AGAP3: variants seen among roughly 807,000 people sequenced by gnomAD.
AGAP3 encodes arf-GAP with GTPase, ANK repeat and PH domain-containing protein 3.
AGAP3 carries 24 observed loss-of-function variants against 96.9 expected under a neutral mutation model. The observed-to-expected ratio is 0.25, with a 90% CI of 0.18 to 0.35. The LOEUF (loss-of-function observed/expected upper bound fraction) is 0.35. Among genes scored for constraint, AGAP3 ranks in the 10% least tolerant of loss-of-function variants. AGAP3 has a pLI of 1.00. For synonymous variants in AGAP3, 563 were observed against 536.1 expected (o/e 1.05, Z -0.69); for missense variants, 876 against 1,254.2 (o/e 0.70, Z 4.55).
At chr7:151,095,260 G>A (rs927318753) in intron 1 of AGAP3, among the ~76,000 whole-genome samples, 2 of 152,114 alleles carry the variant, frequency 1.3e-5, no homozygotes, top group African/African-American at 4.8e-5. Context: ...TCAGCACTTC[G>A]GCCTCAATGT....
chr7:151,094,272 C>T (rs558121806), intron 1 of AGAP3, among the ~76,000 whole-genome samples: 20 of 152,240 alleles, frequency 1.3e-4, no homozygotes, highest in Non-Finnish European at 2.5e-4. Context: ...CTGTTTATTA[C>T]GTGCCGCCTT....
chr7:151,124,283 G>T (rs1800066061), intron 9 of AGAP3, among the ~76,000 whole-genome samples: 1 of 152,160 alleles, frequency 6.6e-6, no homozygotes, highest in Non-Finnish European at 1.5e-5. Flanking sequence ...TAGGTCTGTT[G>T]GCATGGTTTT....
chr7:151,120,811 GC>G (rs1260945319), intron 8 of AGAP3: 42 of 1,170,524 alleles, frequency 3.6e-5, no homozygotes, highest in Non-Finnish European at 4.4e-5. Flanking sequence ...ACACCTGGGG[GC>G]TGTTGTGCTG....
chr7:151,117,336 C>T, intron 3 of AGAP3, 35 bp from the exon 4 acceptor site: 5 of 1,613,324 alleles, frequency 3.1e-6, no homozygotes, highest in South Asian at 1.1e-5. Flanking sequence ...GATTCTTTCT[C>T]CACACTTTGG....
intron 9 of AGAP3, among the ~76,000 whole-genome samples, chr7:151,126,121 T>G (rs1800155939): frequency 6.6e-6 from 1 of 150,912 alleles, no homozygotes; most frequent in South Asian, 2.1e-4. Context: ...ACGAGCGTCA[T>G]TACAGCGGCT....
intron 1 of AGAP3, among the ~76,000 whole-genome samples, chr7:151,112,646 T>C (rs1799346151): frequency 6.6e-6 from 1 of 152,126 alleles, no homozygotes; most frequent in South Asian, 2.1e-4. Context: ...TGGCCCAGGC[T>C]GGAATGCAGT....
chr7:151,090,235 A>AT (rs1554459912), intron 1 of AGAP3: 2 of 80,924 alleles, frequency 2.5e-5, no homozygotes, highest in Non-Finnish European at 4.6e-5. Flanking sequence ...CAGTTCCCAG[A>AT]TGGGGGGGGG....
In AGAP3 at chr7:151,104,119, A is replaced by G. The variant is rs548087865; in HGVS notation, c.332-12674A>G. Among the ~76,000 whole-genome samples the G allele has an allele frequency of 5.3e-4, 81 of 152,302 alleles. No individual in the cohort carries two copies. In the East Asian group the frequency reaches 0.012, roughly 22 times the overall value. On this transcript the variant is annotated intron_variant, in intron 1 of 17. Coordinates refer to ENST00000397238, the MANE Select transcript of AGAP3 (RefSeq NM_031946.7). Reference sequence around the variant, plus strand: ...ACGCTCGAAATAAACTGCCCCGCACAACTGTTCACCTGATGGTTTTAGCGT... The same window carrying G: ...ACGCTCGAAATAAACTGCCCCGCACGACTGTTCACCTGATGGTTTTAGCGT...
In AGAP3 at chr7:151,143,404, A is replaced by C. The variant is rs1030051312; in HGVS notation, c.2337A>C (p.Pro779=). ...YEQKLFLAPL[P]SSDVPLGQQL... The stretch of plus-strand genomic sequence containing the variant: ...AGAAGCTCTTCCTGGCCCCACTGCC[A>C]AGCTCAGATGTGCCACTGGGGCAGC... The change falls in exon 17 of 18, where the codon CCA becomes CCC. Residue 779 remains proline, a synonymous_variant. Transcript: ENST00000397238. The surrounding 1 kb of genome is among the most constrained non-coding windows in gnomAD (Gnocchi z 5.9). 6.2e-7 allele frequency: 1 copy of C among 1,614,088 alleles called. No homozygotes were observed. Among genetic ancestry groups the C allele is most frequent in the Non-Finnish European group, 8.5e-7 (1 of 1,180,042 alleles).
chr7:151,135,229 C>T (rs1800547753), intron 11 of AGAP3, among the ~76,000 whole-genome samples: 1 of 152,214 alleles, frequency 6.6e-6, no homozygotes, highest in Admixed American at 6.5e-5. Flanking sequence ...CTTCCAGAGC[C>T]CCTGGCTCCC....
chr7:151,109,775 G>A (rs1799206869), intron 1 of AGAP3, among the ~76,000 whole-genome samples: 1 of 152,226 alleles, frequency 6.6e-6, no homozygotes, highest in South Asian at 2.1e-4. Context: ...AGCTGCTAAG[G>A]TTTCATGGGC....
At chr7:151,121,823 T>TCTCG (rs1799910151) in intron 8 of AGAP3, among the ~76,000 whole-genome samples, 1 of 152,214 alleles carries the variant, frequency 6.6e-6, no homozygotes, top group African/African-American at 2.4e-5. Flanking sequence ...TGTGGGTGTA[T>TCTCG]CTCGGGACCT....
At chr7:151,120,558 G>A (rs757967958) in intron 8 of AGAP3, 8 of 1,193,214 alleles carry the variant, frequency 6.7e-6, no homozygotes, top group South Asian at 3.8e-5. Context: ...TGCCCAAGGC[G>A]ACACAGAGGG....
chr7:151,095,221 C>G (rs1257928303), intron 1 of AGAP3, among the ~76,000 whole-genome samples: 1 of 152,218 alleles, frequency 6.6e-6, no homozygotes, highest in Admixed American at 6.5e-5. Flanking sequence ...CTGTTTGCTG[C>G]AAGTCAGGCA....
chr7:151,124,067 G>A (rs933854003), intron 9 of AGAP3, among the ~76,000 whole-genome samples, 181 bp downstream of exon 9: 4 of 152,154 alleles, frequency 2.6e-5, no homozygotes, highest in African/African-American at 9.7e-5. Context: ...CCTTCTCTGC[G>A]CCGCCACCTT....
chr7:151,133,720 G>T lies in AGAP3; in HGVS notation c.1327-680G>T, dbSNP rs553739587. 3.9e-5 allele frequency among the ~76,000 whole-genome samples: 6 copies of T among 152,274 alleles called. No individual in the cohort carries two copies. The highest frequency in any genetic ancestry group is 1.4e-4 in the African/African-American group (6 of 41,536). On this transcript the variant is annotated intron_variant, in intron 10 of 17. Coordinates refer to ENST00000397238, the MANE Select transcript of AGAP3 (RefSeq NM_031946.7). This position sits in a 1 kb window ranked among gnomAD's most constrained non-coding sequence, Gnocchi z 5.4. Reference sequence around the variant, plus strand: ...ACCTCCCTCAGGTGGTGAAGATTACGCGAGGCTATACGTGGAATGTATAAA... The same window carrying T: ...ACCTCCCTCAGGTGGTGAAGATTACTCGAGGCTATACGTGGAATGTATAAA...
Position 151,120,156 on chromosome 7 carries a change from GC to G in AGAP3, c.1128+14del. ...TCCAACATCTTCACGGTACGTGACT[GC>G]CCTCCTCCCCCGCCCAGCTGCCTTT... On this transcript the variant is annotated intron_variant, in intron 8 of 17. Transcript: ENST00000397238. The G allele has an allele frequency of 6.3e-7, 1 of 1,584,548 alleles. No homozygotes were observed. The highest frequency in any genetic ancestry group is 1.1e-5 in the South Asian group (1 of 87,070).
At chr7:151,132,846 G>T (rs1800451146) in intron 10 of AGAP3, among the ~76,000 whole-genome samples, 1 of 152,232 alleles carries the variant, frequency 6.6e-6, no homozygotes, top group South Asian at 2.1e-4. Context: ...GCCAGAGGGA[G>T]CCCTGGTGAG....
At chr7:151,123,211 G>A (rs987630351) in intron 8 of AGAP3, 3 of 1,077,312 alleles carry the variant, frequency 2.8e-6, no homozygotes, top group Non-Finnish European at 2.2e-6. Context: ...CCGCCGCCGC[G>A]CTTGCCTTGC....
Sources: allele counts gnomAD v4.1 joint callset (sites outside exome capture counted in the v4.1 genomes callset), GRCh38; gene constraint gnomAD v4.1.1; non-coding constraint Gnocchi (gnomAD v3.1); transcripts MANE v1.5; gene names NCBI Gene and HGNC (gene_info 2026-07-23, HGNC 2026-07-21).